The following ZNFX1 variants were observed in gnomAD, a reference collection of about 807,000 sequenced individuals.
ZNFX1 encodes the protein zinc finger NFX1-type containing 1, also known as NFX1-type zinc finger-containing protein 1.
In ZNFX1, 78 loss-of-function variants were observed where a neutral mutation model predicts 179.8. The ratio of observed to expected loss-of-function variants is 0.43; its 90% confidence interval spans 0.36 to 0.52. The LOEUF (loss-of-function observed/expected upper bound fraction) is 0.52. Ranked by LOEUF, ZNFX1 falls within the 20% of genes least tolerant of loss-of-function variation. The pLI is 0.00. For missense variants in ZNFX1, 1,927 were observed against 2,386.6 expected (o/e 0.81, Z 4.01); for synonymous variants, 848 against 868.5 (o/e 0.98, Z 0.42).
At chr20:49,254,834 G>C (rs1337529492) in intron 9 of ZNFX1, among the ~76,000 whole-genome samples, 185 bp from the exon 10 acceptor site, 1 of 152,120 alleles carries the variant, frequency 6.6e-6, no homozygotes, top group African/African-American at 2.4e-5. Context: ...AGAGTAGTCA[G>C]GAGCTAAGGA....
chr20:49,269,877 G>T lies in ZNFX1; in HGVS notation c.1870+65C>A. ...AGAAGACATTCTAGAAACCTAGAGT[G>T]AAGGCTCCGTCCCTTGCTTATCTTA... On this transcript the variant is annotated intron_variant, in intron 3 of 13. Transcript: ENST00000396105. 4 of 1,496,992 alleles carry T rather than the reference G, an allele frequency of 2.7e-6. No homozygotes were observed. The Middle Eastern group carries it at 7.6e-4, about 283-fold the overall frequency. The allele number at this position is 1,496,992 out of a possible 1,614,324, so 92.7% of individuals were successfully genotyped here.
chr20:49,252,865 G>T, intron 11 of ZNFX1, 35 bp from the exon 12 acceptor site: 1 of 1,520,792 alleles, frequency 6.6e-7, no homozygotes, highest in South Asian at 1.1e-5. Flanking sequence ...ATTCTCTACT[G>T]ATAAAGTCAT....
In ZNFX1 at chr20:49,263,372, G is replaced by A; in HGVS notation, c.2263C>T (p.Pro755Ser). 1 of 1,613,906 alleles carries A rather than the reference G, an allele frequency of 6.2e-7. No individual in the cohort carries two copies. Among genetic ancestry groups the A allele is most frequent in the Non-Finnish European group, 8.5e-7 (1 of 1,180,020 alleles). The change falls in exon 6 of 14, where the codon CCC becomes TCC. Residue 755 changes from proline (P) to serine (S), a missense_variant. Pro to Ser is a moderately conservative substitution (Grantham distance 74). Transcript: ENST00000396105. ...TTCATGAGACTTTCCCAGTGCTGGGGTGAGATGTACTTCTGCAGGTACTGT... is the reference window on the plus strand; with the variant it reads ...TTCATGAGACTTTCCCAGTGCTGGGATGAGATGTACTTCTGCAGGTACTGT... Reference protein sequence around the residue: ...REQYLQKYISPQHWESLMNGP... With the variant: ...REQYLQKYISSQHWESLMNGP...
At chr20:49,273,249 C>T (rs571707986) in intron 2 of ZNFX1, among the ~76,000 whole-genome samples, 1 of 152,244 alleles carries the variant, frequency 6.6e-6, no homozygotes, top group Non-Finnish European at 1.5e-5. Flanking sequence ...TCTCCTGACT[C>T]AGCCTCCTGA....
At chr20:49,250,041 G>T (rs1013198798) in intron 13 of ZNFX1, among the ~76,000 whole-genome samples, 3 of 152,174 alleles carry the variant, frequency 2.0e-5, no homozygotes, top group Non-Finnish European at 4.4e-5. Context: ...GATCACCTGA[G>T]GTCAGGAGTT....
At chr20:49,261,934 C>T (rs1981123483) in intron 6 of ZNFX1, among the ~76,000 whole-genome samples, 1 of 151,512 alleles carries the variant, frequency 6.6e-6, no homozygotes, top group African/African-American at 2.4e-5. Flanking sequence ...GCGTGAGCCA[C>T]TGCGCGCTTG....
rs1240854984 is a variant in ZNFX1 at position 49,246,996 on chromosome 20, G to A, written c.*271C>T. 2.3e-6 allele frequency: 1 copy of A among 440,678 alleles called. No individual in the cohort carries two copies. The highest frequency in any genetic ancestry group is 3.3e-5 in the Admixed American group (1 of 30,456). The allele number at this position is 440,678 out of a possible 1,614,324, so 27.3% of individuals were successfully genotyped here. A position where few individuals can be genotyped will look rare whatever the true frequency, so the allele number is the denominator to read the frequency against. On this transcript the variant is annotated 3_prime_UTR_variant, in exon 14 of 14. Coordinates refer to ENST00000396105, the MANE Select transcript of ZNFX1 (RefSeq NM_021035.3). Reference sequence around the variant, plus strand: ...CGATTCTTCTGCCTCAGCCTCCCAAGTAGCTGGGATTACAGGCGCCCGCCA... The same window carrying A: ...CGATTCTTCTGCCTCAGCCTCCCAAATAGCTGGGATTACAGGCGCCCGCCA...
At chr20:49,259,115 A>AAAAT (rs1167776083) in intron 7 of ZNFX1, among the ~76,000 whole-genome samples, 2 of 142,036 alleles carry the variant, frequency 1.4e-5, no homozygotes, top group Admixed American at 1.4e-4. Context: ...GTCTCAAAAA[A>AAAAT]AAATAAATAA....
chr20:49,277,749 G>C (rs1286180836), intron 1 of ZNFX1, among the ~76,000 whole-genome samples: 1 of 149,886 alleles, frequency 6.7e-6, no homozygotes, highest in African/African-American at 2.5e-5. Flanking sequence ...GTCTGAGGGG[G>C]AGACGGGGCG....
In ZNFX1 at chr20:49,270,016, T is replaced by C; in HGVS notation, c.1796A>G (p.Asp599Gly). The C allele has an allele frequency of 3.1e-6, 5 of 1,614,202 alleles. No individual in the cohort carries two copies. Among genetic ancestry groups the C allele is most frequent in the Non-Finnish European group, 4.2e-6 (5 of 1,180,028 alleles). ...QWPSKEALKL[D>G]DSQMEALQFA... ...CTGCAAGGCTTCCATCTGGGAGTCA[T>C]CCAGCTTCAGGGCTTCTTTTGAGGG... Residue 599 changes from aspartate (D) to glycine (G), a missense_variant, in exon 3 of 14, where the codon GAT (aspartate) becomes GGT (glycine). Physicochemically the swap from Asp to Gly is moderately conservative, Grantham distance 94. Transcript: ENST00000396105. This position sits in a 1 kb window ranked among gnomAD's most constrained non-coding sequence, Gnocchi z 4.6.
At chr20:49,271,802 C>T (rs1410284886) in intron 2 of ZNFX1, 52 bp from the exon 3 acceptor site, 4 of 1,528,442 alleles carry the variant, frequency 2.6e-6, no homozygotes, top group Non-Finnish European at 1.8e-6. Flanking sequence ...CTGTTGGAAA[C>T]CCAACAGAAC....
chr20:49,275,886 A>C lies in ZNFX1; in HGVS notation c.-47T>G. 6.2e-7 allele frequency: 1 copy of C among 1,602,914 alleles called. No homozygotes were observed. The highest frequency in any genetic ancestry group is 8.5e-7 in the Non-Finnish European group (1 of 1,169,982). ...TCACGTTACTTTCTGTTATCTGGAA[A>C]ACTGCACATGTTGAGTTATCAGTGT... On this transcript the variant is annotated splice_region_variant and 5_prime_UTR_variant, in exon 2 of 14. Transcript: ENST00000396105.
rs56335217 is a variant in ZNFX1, at chr20:49,254,660, G to T, written c.2805-11C>A. 1 of 1,610,542 alleles carries T rather than the reference G, an allele frequency of 6.2e-7. No individual in the cohort carries two copies. On this transcript the variant is annotated splice_polypyrimidine_tract_variant and intron_variant, in intron 9 of 13. Coordinates refer to ENST00000396105, the MANE Select transcript of ZNFX1 (RefSeq NM_021035.3). ...AACTGTAGCCAGAGCCTGGAGAATGGGAAGAACCAAGGAAAGAAAGCCACA... is the reference window on the plus strand; with the variant it reads ...AACTGTAGCCAGAGCCTGGAGAATGTGAAGAACCAAGGAAAGAAAGCCACA...
chr20:49,256,395 T>A (rs1980971956), intron 8 of ZNFX1, among the ~76,000 whole-genome samples: 1 of 152,216 alleles, frequency 6.6e-6, no homozygotes, highest in Non-Finnish European at 1.5e-5. Flanking sequence ...GGTGGTACTT[T>A]CTTGTTGAAT....
rs1266361314 is a variant in ZNFX1, at chr20:49,275,875, G to C, written c.-36C>G. The C allele has an allele frequency of 1.2e-6, 2 of 1,611,196 alleles. No individual in the cohort carries two copies. The highest frequency in any genetic ancestry group is 3.3e-5 in the Admixed American group (2 of 59,954). ...CCTGAATTCCTTCACGTTACTTTCT[G>C]TTATCTGGAAAACTGCACATGTTGA... On this transcript the variant is annotated 5_prime_UTR_variant, in exon 2 of 14. Transcript: ENST00000396105.
chr20:49,254,986 T>C (rs555895731), intron 9 of ZNFX1, among the ~76,000 whole-genome samples: 5 of 152,040 alleles, frequency 3.3e-5, no homozygotes, highest in Admixed American at 6.6e-5. Context: ...TTTATTTTAT[T>C]AGTAAAACTG....
chr20:49,254,170 G>T (rs531195721), intron 10 of ZNFX1, among the ~76,000 whole-genome samples: 1 of 151,988 alleles, frequency 6.6e-6, no homozygotes, highest in Non-Finnish European at 1.5e-5. Flanking sequence ...AGGATTACAG[G>T]CACCCACCAC....
chr20:49,266,227 A>T lies in ZNFX1; in HGVS notation c.1910T>A (p.Leu637Gln). 6.2e-7 allele frequency: 1 copy of T among 1,613,132 alleles called. No homozygotes were observed. The highest frequency in any genetic ancestry group is 8.5e-7 in the Non-Finnish European group (1 of 1,179,664). The change falls in exon 4 of 14, where the codon CTA (leucine) becomes CAA (glutamine). Residue 637 changes from leucine (L) to glutamine (Q), a missense_variant. Physicochemically the swap from Leu to Gln is moderately radical, Grantham distance 113 (BLOSUM62 -2). Coordinates refer to ENST00000396105, the MANE Select transcript of ZNFX1 (RefSeq NM_021035.3). The stretch of plus-strand genomic sequence containing the variant: ...AATTTGCCAAACAGACTCGTTGGTT[A>T]GGAGGGCCTGAACAATTTTTAGACC... ...YVGLKIVQAL[L>Q]TNESVWQISL...
intron 11 of ZNFX1, among the ~76,000 whole-genome samples, 158 bp downstream of exon 11, chr20:49,253,508 G>C (rs1187386472): frequency 6.6e-6 from 1 of 152,120 alleles, no homozygotes; most frequent in Non-Finnish European, 1.5e-5. Flanking sequence ...AAATCTAATA[G>C]CATCTGCTCT....
Sources: gnomAD v4.1 joint callset for allele counts (sites outside exome capture counted in the v4.1 genomes callset) on GRCh38, gnomAD v4.1.1 for gene constraint, Gnocchi (gnomAD v3.1) non-coding constraint, MANE v1.5 for transcripts, NCBI Gene and HGNC (gene_info 2026-07-23, HGNC 2026-07-21) for gene names.